The following RGS6 variants were observed in gnomAD, a reference collection of about 807,000 sequenced individuals.
The protein encoded by RGS6 is regulator of G-protein signaling 6.
In RGS6, 30 loss-of-function variants were observed where a neutral mutation model predicts 78.5. The ratio of observed to expected loss-of-function variants is 0.38; its 90% CI spans 0.29 to 0.52. The LOEUF is 0.52. Ranked by LOEUF, RGS6 falls within the 20% of genes least tolerant of loss-of-function variation. The pLI is 0.85. For synonymous variants in RGS6, 206 were observed against 206.0 expected (o/e 1.00, Z 0.00); for missense variants, 495 against 609.7 (o/e 0.81, Z 1.98).
intron 2 of RGS6, among the ~76,000 whole-genome samples, chr14:72,149,083 A>G (rs2096646778): frequency 6.6e-6 from 1 of 152,162 alleles, no homozygotes; most frequent in Non-Finnish European, 1.5e-5. Context: ...ACTCAAATGT[A>G]TGGCAGTTGA....
intron 2 of RGS6, among the ~76,000 whole-genome samples, chr14:71,976,175 T>A (rs1007756911): frequency 6.6e-6 from 1 of 151,736 alleles, no homozygotes; most frequent in Non-Finnish European, 1.5e-5. Flanking sequence ...TTTAAAGTCT[T>A]TATCACTTGC....
At chr14:72,223,315 A>G (rs572050814) in intron 2 of RGS6, among the ~76,000 whole-genome samples, 1 of 152,352 alleles carries the variant, frequency 6.6e-6, no homozygotes, top group African/African-American at 2.4e-5. Context: ...TCTTGTAATG[A>G]TTTAAAACCA....
At chr14:72,337,265 A>G (rs2076204224) in intron 2 of RGS6, among the ~76,000 whole-genome samples, 1 of 115,366 alleles carries the variant, frequency 8.7e-6, no homozygotes, top group African/African-American at 3.4e-5. Context: ...CCCACCACCT[A>G]ACCAACACCC....
chr14:72,465,841 C>T lies in RGS6; in HGVS notation c.459+19C>T. 1 of 1,598,724 alleles carries T rather than the reference C, an allele frequency of 6.3e-7. No individual in the cohort carries two copies. The highest frequency in any genetic ancestry group is 8.6e-7 in the Non-Finnish European group (1 of 1,166,104). ...TGAAGCAGTAAGTATGATTATTTTC[C>T]AGGATACATATAAGAAGAGAGTAAA... On this transcript the variant is annotated intron_variant, in intron 7 of 17. Coordinates refer to ENST00000553525, the MANE Select transcript of RGS6 (RefSeq NM_001204424.2).
intron 13 of RGS6, among the ~76,000 whole-genome samples, chr14:72,501,144 G>A (rs1333420604): frequency 6.6e-6 from 1 of 152,052 alleles, no homozygotes; most frequent in African/African-American, 2.4e-5. Flanking sequence ...GTCCAGGCAG[G>A]CTCGTTATGA....
chr14:72,365,266 T>G (rs1327062124), intron 3 of RGS6, among the ~76,000 whole-genome samples: 1 of 152,218 alleles, frequency 6.6e-6, no homozygotes, highest in African/African-American at 2.4e-5. Context: ...CTGGGGAATG[T>G]GAATTTGGAA....
At chr14:71,965,394 G>A (rs1015108611) in intron 2 of RGS6, among the ~76,000 whole-genome samples, 1 of 152,230 alleles carries the variant, frequency 6.6e-6, no homozygotes, top group South Asian at 2.1e-4. Flanking sequence ...AGCCTCAGAG[G>A]TGAGAATGGG....
intron 2 of RGS6, among the ~76,000 whole-genome samples, chr14:72,281,989 CT>C (rs1414880934): frequency 6.6e-6 from 1 of 152,214 alleles, no homozygotes; most frequent in Non-Finnish European, 1.5e-5. Context: ...TAAAAAATCA[CT>C]GTGGCTGCTA....
At chr14:72,489,013 T>A (rs1598262542) in intron 12 of RGS6, among the ~76,000 whole-genome samples, 2 of 152,178 alleles carry the variant, frequency 1.3e-5, no homozygotes, top group South Asian at 2.1e-4. Flanking sequence ...TAAAAAAAAA[T>A]TCCCCAATAA....
chr14:71,900,921 A>C, the RGS6 span, among the ~76,000 whole-genome samples: 2 of 152,108 alleles, frequency 1.3e-5, no homozygotes, highest in Non-Finnish European at 2.9e-5. Context: ...AGCAAGCAAG[A>C]GAGGAAAGGA....
In RGS6 at chr14:71,932,474, C is replaced by G. The variant is rs976989495; in HGVS notation, c.-488C>G. ...GCAGCTCCTCGCGCTCGGCCCTGCTCGGCGGCGAGAGCTCCGCCTGGGCGC... is the reference window on the plus strand; with the variant it reads ...GCAGCTCCTCGCGCTCGGCCCTGCTGGGCGGCGAGAGCTCCGCCTGGGCGC... On this transcript the variant is annotated 5_prime_UTR_variant, in exon 1 of 18. Coordinates refer to ENST00000553525, the MANE Select transcript of RGS6 (RefSeq NM_001204424.2). 13 of 151,736 alleles carry G rather than the reference C, an allele frequency of 8.6e-5. No individual in the cohort carries two copies. The highest frequency in any genetic ancestry group is 3.1e-4 in the African/African-American group (13 of 41,404). 9.4% of individuals were successfully genotyped at this position (151,736 alleles called of 1,614,324 possible).
intron 2 of RGS6, among the ~76,000 whole-genome samples, chr14:72,227,252 T>C (rs970083196): frequency 1.1e-4 from 16 of 152,196 alleles, no homozygotes; most frequent in African/African-American, 3.9e-4. Context: ...CATTCCTTCT[T>C]TTCATTTTAA....
rs149902222 is a variant in RGS6 at position 72,538,544 on chromosome 14, A to G, written c.1369-1497A>G. Among the ~76,000 whole-genome samples, 126 of 152,356 alleles carry G rather than the reference A, an allele frequency of 8.3e-4. 2 individuals are homozygous for G. The East Asian group carries it at 0.019, about 24-fold the overall frequency. On this transcript the variant is annotated intron_variant, in intron 16 of 17. Coordinates refer to ENST00000553525, the MANE Select transcript of RGS6 (RefSeq NM_001204424.2). ...CAGAGGAGCCAAGTGAGCCAGACCA[A>G]TGGCCACCCTCTGTGAGCCAGAGGA...
chr14:72,262,447 T>C (rs2058331601), intron 2 of RGS6, among the ~76,000 whole-genome samples: 1 of 152,186 alleles, frequency 6.6e-6, no homozygotes, highest in Admixed American at 6.5e-5. Context: ...GTCTGGCGTC[T>C]CTTCCTCTTC....
At chr14:72,077,596 G>A (rs969703487) in intron 2 of RGS6, among the ~76,000 whole-genome samples, 3 of 151,980 alleles carry the variant, frequency 2.0e-5, no homozygotes, top group African/African-American at 7.2e-5. Flanking sequence ...GTTCTATTTT[G>A]AAGCCCTTTA....
the RGS6 span, among the ~76,000 whole-genome samples, chr14:71,870,787 C>T: frequency 6.6e-6 from 1 of 152,172 alleles, no homozygotes; most frequent in East Asian, 1.9e-4. Flanking sequence ...GGTCTTTTCC[C>T]TCCCAGTGTG....
At chr14:72,065,364 A>G (rs1175921427) in intron 2 of RGS6, among the ~76,000 whole-genome samples, 1 of 152,228 alleles carries the variant, frequency 6.6e-6, no homozygotes, top group African/African-American at 2.4e-5. Flanking sequence ...TCCCAAAACT[A>G]TAGGCAACAG....
At chr14:72,326,396 T>G (rs1413430482) in intron 2 of RGS6, among the ~76,000 whole-genome samples, 1 of 152,176 alleles carries the variant, frequency 6.6e-6, no homozygotes, top group South Asian at 2.1e-4. Flanking sequence ...GCAAATCACA[T>G]GATGAAATGT....
intron 2 of RGS6, among the ~76,000 whole-genome samples, chr14:72,151,587 G>A (rs760730947): frequency 2.6e-5 from 4 of 152,166 alleles, no homozygotes; most frequent in Non-Finnish European, 5.9e-5. Flanking sequence ...CTCTAGCTGT[G>A]TGCTTGGGCG....
Sources: allele counts gnomAD v4.1 joint callset (sites outside exome capture counted in the v4.1 genomes callset), GRCh38; gene constraint gnomAD v4.1.1; transcripts MANE v1.5; gene names NCBI Gene and HGNC (gene_info 2026-07-23, HGNC 2026-07-21).